The following SDK1 variants were observed in gnomAD, a reference collection of about 807,000 sequenced individuals.
SDK1 encodes sidekick cell adhesion molecule 1.
A neutral mutation model predicts 245.5 loss-of-function variants in SDK1; 157 were observed. That is an observed-to-expected ratio of 0.64 (90% CI 0.56 to 0.73). The LOEUF is 0.73. Ranked by LOEUF, SDK1 falls within the 30% of genes least tolerant of loss-of-function variation. The probability of loss-of-function intolerance (pLI) is 0.00; values close to 1 mark genes in which losing one functional copy is unlikely to be tolerated. For missense variants in SDK1, 3,583 were observed against 3,002.3 expected (o/e 1.19, Z -4.52); for synonymous variants, 1,647 against 1,278.5 (o/e 1.29, Z -6.15).
rs567304255 is a variant in SDK1 at position 3,639,040 on chromosome 7, G to A, written c.495G>A (p.Gly165=). Residue 165 remains glycine (G), a synonymous_variant, in exon 3 of 45, where the codon GGG becomes GGA. Coordinates refer to ENST00000404826, the MANE Select transcript of SDK1 (RefSeq NM_152744.4). The part of the protein sequence containing the change: ...IIPSLQKLDA[G]FYRCVVRNRM... ...CATCTTTGCAGAAGCTCGATGCTGG[G>A]TTTTACCGCTGCGTGGTGCGAAACA... 5 of 1,606,006 alleles carry A rather than the reference G, an allele frequency of 3.1e-6. No homozygotes were observed. The highest frequency in any genetic ancestry group is 2.7e-5 in the African/African-American group (2 of 74,974).
intron 4 of SDK1, among the ~76,000 whole-genome samples, chr7:3,700,476 A>G (rs1352859659): frequency 1.3e-5 from 2 of 152,188 alleles, no homozygotes; most frequent in African/African-American, 4.8e-5. Context: ...TAAACTGGTA[A>G]ACGTTGATAC....
At chr7:3,615,655 G>C (rs534146438) in intron 1 of SDK1, among the ~76,000 whole-genome samples, 1 of 151,714 alleles carries the variant, frequency 6.6e-6, no homozygotes, top group South Asian at 2.1e-4. Flanking sequence ...ACAAGTCAGA[G>C]ACATAAGAAT....
chr7:3,799,566 G>A (rs879778230), intron 4 of SDK1, among the ~76,000 whole-genome samples: 9 of 151,944 alleles, frequency 5.9e-5, no homozygotes, highest in South Asian at 4.2e-4. Flanking sequence ...TTAGCCAGGC[G>A]TGGTGGCGGG....
intron 1 of SDK1, among the ~76,000 whole-genome samples, chr7:3,514,710 G>A (rs934835779): frequency 2.0e-5 from 3 of 152,218 alleles, no homozygotes; most frequent in South Asian, 2.1e-4. Context: ...ATATTGCCAA[G>A]TAGTACTTAG....
Position 4,226,645 on chromosome 7 carries a change from C to T in SDK1, c.5827+5281C>T, listed in dbSNP as rs1785465591. ...CAAGGACACCGCCACCAGCTTCCAC[C>T]AGCATGGCCTGGCCCACACGTTCCT... On this transcript the variant is annotated intron_variant, in intron 40 of 44. Transcript: ENST00000404826. Among the ~76,000 whole-genome samples, 6 of 152,196 alleles carry T rather than the reference C, an allele frequency of 3.9e-5. No individual in the cohort carries two copies. In the South Asian group the frequency reaches 1.2e-3, roughly 32 times the overall value.
chr7:4,265,560 A>T lies in SDK1; in HGVS notation c.*176A>T. 1 of 1,344,308 alleles carries T rather than the reference A, an allele frequency of 7.4e-7. No individual in the cohort carries two copies. Among genetic ancestry groups the T allele is most frequent in the Non-Finnish European group, 9.5e-7 (1 of 1,057,110 alleles). The allele number at this position is 1,344,308 out of a possible 1,614,324, so 83.3% of individuals were successfully genotyped here. On this transcript the variant is annotated 3_prime_UTR_variant, in exon 45 of 45. Coordinates refer to ENST00000404826, the MANE Select transcript of SDK1 (RefSeq NM_152744.4). ...AGATTTCAATTAGGAAGGTTTTTTT[A>T]AACGGCTTTTTGTAACTTCGCTGCA... is the stretch of plus-strand genomic sequence containing the variant.
rs10230252 is a variant in SDK1 at position 3,767,648 on chromosome 7, T to C, written c.714-53802T>C. ...CTAGGTAATATCCTTCTCATCACTT[T>C]ACAGATGAAGAAACAGAAGCACTGA... On this transcript the variant is annotated intron_variant, in intron 4 of 44. Coordinates refer to ENST00000404826, the MANE Select transcript of SDK1 (RefSeq NM_152744.4). Among the ~76,000 whole-genome samples the C allele has an allele frequency of 4.8e-3, 730 of 152,256 alleles. 6 individuals are homozygous for C. The highest frequency in any genetic ancestry group is 0.017 in the African/African-American group (705 of 41,552).
At chr7:3,747,417 T>A (rs926689460) in intron 4 of SDK1, among the ~76,000 whole-genome samples, 3 of 152,254 alleles carry the variant, frequency 2.0e-5, no homozygotes. Context: ...TGTAACATTC[T>A]GACAGTTAAA....
At chr7:3,755,298 C>G (rs908853310) in intron 4 of SDK1, among the ~76,000 whole-genome samples, 1 of 152,018 alleles carries the variant, frequency 6.6e-6, no homozygotes, top group Admixed American at 6.5e-5. Context: ...GGTTGGGGAG[C>G]GAAAATAGGG....
At chr7:3,498,240 C>T (rs12535143) in intron 1 of SDK1, among the ~76,000 whole-genome samples, 22 of 152,138 alleles carry the variant, frequency 1.4e-4, no homozygotes, top group Admixed American at 5.2e-4. Flanking sequence ...GAACTAAAGA[C>T]GACATGTGTA....
chr7:3,728,549 G>T (rs1255605022), intron 4 of SDK1, among the ~76,000 whole-genome samples: 2 of 152,188 alleles, frequency 1.3e-5, no homozygotes, highest in African/African-American at 2.4e-5. Context: ...AGTGGAGAAA[G>T]GCCTTGTGAC....
At chr7:4,153,731 C>A (rs1169420409) in intron 30 of SDK1, among the ~76,000 whole-genome samples, 1 of 152,204 alleles carries the variant, frequency 6.6e-6, no homozygotes, top group Non-Finnish European at 1.5e-5. Context: ...GGCTGGAGTG[C>A]AGTAGCTCCG....
intron 1 of SDK1, among the ~76,000 whole-genome samples, chr7:3,483,238 A>T (rs187897755): frequency 6.6e-6 from 1 of 152,210 alleles, no homozygotes; most frequent in East Asian, 1.9e-4. Flanking sequence ...TGAATAGAGT[A>T]TATCTTTTAG....
intron 14 of SDK1, among the ~76,000 whole-genome samples, chr7:3,988,544 G>A (rs961674843): frequency 2.6e-5 from 4 of 151,996 alleles, no homozygotes; most frequent in Admixed American, 6.6e-5. Context: ...GTGCAGCCTC[G>A]GGTCACCCTG....
At chr7:3,724,999 C>A (rs1169915235) in intron 4 of SDK1, among the ~76,000 whole-genome samples, 1 of 152,202 alleles carries the variant, frequency 6.6e-6, no homozygotes, top group Non-Finnish European at 1.5e-5. Context: ...GCCTCAGAGG[C>A]CTTCTTAAGC....
At chr7:3,818,342 C>A (rs1325560597) in intron 4 of SDK1, among the ~76,000 whole-genome samples, 1 of 152,178 alleles carries the variant, frequency 6.6e-6, no homozygotes, top group African/African-American at 2.4e-5. Context: ...GCAAAGTATT[C>A]AACTTTGCTA....
intron 20 of SDK1, among the ~76,000 whole-genome samples, chr7:4,072,442 C>T (rs544875964): frequency 1.3e-5 from 2 of 152,172 alleles, no homozygotes; most frequent in African/African-American, 2.4e-5. Flanking sequence ...GAGATGAGAT[C>T]GGATGTTATC....
intron 1 of SDK1, among the ~76,000 whole-genome samples, chr7:3,555,238 T>A (rs1342976987): frequency 6.6e-6 from 1 of 152,146 alleles, no homozygotes; most frequent in Non-Finnish European, 1.5e-5. Flanking sequence ...AATAGGCAAG[T>A]TGACCAGTGG....
At chr7:3,840,281 A>G (rs1038473666) in intron 5 of SDK1, among the ~76,000 whole-genome samples, 2 of 152,218 alleles carry the variant, frequency 1.3e-5, no homozygotes, top group African/African-American at 4.8e-5. Context: ...GGGAGAAGAG[A>G]ACATGTTGGG....
Sources: allele counts gnomAD v4.1 joint callset (sites outside exome capture counted in the v4.1 genomes callset), GRCh38; gene constraint gnomAD v4.1.1; transcripts MANE v1.5; gene names NCBI Gene and HGNC (gene_info 2026-07-23, HGNC 2026-07-21).